NT5C2: variants seen among roughly 807,000 people sequenced by gnomAD.
The protein encoded by NT5C2 is 5'-nucleotidase, cytosolic II, also known as cytosolic purine 5'-nucleotidase.
In NT5C2, 58 loss-of-function variants were observed where a neutral mutation model predicts 76.1. The observed-to-expected ratio is 0.76, with a 90% confidence interval of 0.62 to 0.95. The LOEUF is 0.95. Ranked by LOEUF, NT5C2 falls within the 40% of genes least tolerant of loss-of-function variation. NT5C2 has a pLI of 0.00. For synonymous variants in NT5C2, 229 were observed against 237.4 expected (o/e 0.96, Z 0.32); for missense variants, 478 against 690.3 (o/e 0.69, Z 3.45).
chr10:103,129,044 A>C (rs80353537), intron 4 of NT5C2, among the ~76,000 whole-genome samples: 5 of 91,948 alleles, frequency 5.4e-5, no homozygotes, highest in Admixed American at 1.0e-4. Flanking sequence ...AGCCCCCCCG[A>C]CCGGCCAGCC....
chr10:103,091,687 C>T (rs2066931904), intron 15 of NT5C2, 72 bp from the exon 16 acceptor site: 1 of 1,288,966 alleles, frequency 7.8e-7, no homozygotes, highest in African/African-American at 1.5e-5. Context: ...TGCTGCTAAA[C>T]TAAAAGGTTG....
At chr10:103,139,623 A>G (rs1466670614) in intron 3 of NT5C2, 144 bp from the exon 4 acceptor site, 4 of 580,970 alleles carry the variant, frequency 6.9e-6, no homozygotes, top group Admixed American at 3.1e-5. Flanking sequence ...ATTAAGATGT[A>G]TAACACGACA....
At chr10:103,119,282 T>C (rs1487744189) in intron 4 of NT5C2, among the ~76,000 whole-genome samples, 1 of 152,062 alleles carries the variant, frequency 6.6e-6, no homozygotes, top group Admixed American at 6.6e-5. Context: ...GGCAGGAGAA[T>C]CATTTGAATC....
chr10:103,178,092 T>C (rs550049976), intron 2 of NT5C2, among the ~76,000 whole-genome samples: 33 of 152,320 alleles, frequency 2.2e-4, no homozygotes, highest in African/African-American at 7.7e-4. Context: ...ATCCATGTAG[T>C]ATCACATATC....
intron 3 of NT5C2, among the ~76,000 whole-genome samples, chr10:103,158,646 G>A (rs1420490748): frequency 2.6e-5 from 4 of 151,792 alleles, no homozygotes; most frequent in African/African-American, 9.7e-5. Flanking sequence ...GTGAAACCCT[G>A]TCTCTACTAA....
chr10:103,095,135 G>C (rs2067882679), intron 12 of NT5C2, among the ~76,000 whole-genome samples: 1 of 152,168 alleles, frequency 6.6e-6, no homozygotes, highest in African/African-American at 2.4e-5. Context: ...GCAGGCATCA[G>C]AGCTAAAGTA....
rs144152134 is a variant in NT5C2 at position 103,164,311 on chromosome 10, G to A, written c.101+10547C>T. Among the ~76,000 whole-genome samples the A allele has an allele frequency of 1.5e-3, 235 of 152,182 alleles. 1 individual carries two copies. Among genetic ancestry groups the A allele is most frequent in the African/African-American group, 5.5e-3 (227 of 41,520 alleles). ...TCTCACTCTGTCGCCAGGCTGGAGT[G>A]CACTGGCTCAATCTTGGCTCACTGC... On this transcript the variant is annotated intron_variant, in intron 3 of 18. Coordinates refer to ENST00000404739, the MANE Select transcript of NT5C2 (RefSeq NM_001351169.2).
chr10:103,158,321 T>A (rs1036376556), intron 3 of NT5C2, among the ~76,000 whole-genome samples: 1 of 151,828 alleles, frequency 6.6e-6, no homozygotes, highest in South Asian at 2.1e-4. Flanking sequence ...TAAGAAATTA[T>A]AGAAAAAGAA....
rs781453727 is a variant in NT5C2, at chr10:103,093,254, A to G, written c.1044T>C (p.Tyr348=). The G allele has an allele frequency of 6.2e-7, 1 of 1,610,896 alleles. No individual in the cohort carries two copies. The highest frequency in any genetic ancestry group is 1.3e-5 in the African/African-American group (1 of 74,838). The change falls in exon 15 of 19, where the codon TAT becomes TAC. Residue 348 remains tyrosine (Y), a synonymous_variant. Coordinates refer to ENST00000404739, the MANE Select transcript of NT5C2 (RefSeq NM_001351169.2). ...TGTCCCCAAAAATGTGATCTCCAAT[A>G]TACAAAATGTCTTTTCCCTTGGCTC... The part of the protein sequence containing the change: ...LLGAKGKDIL[Y]IGDHIFGDIL...
At chr10:103,173,025 A>G (rs937089491) in intron 3 of NT5C2, among the ~76,000 whole-genome samples, 1 of 151,684 alleles carries the variant, frequency 6.6e-6, no homozygotes, top group Admixed American at 6.6e-5. Context: ...AACAAAACAA[A>G]ATCTGTAGAG....
chr10:103,183,277 A>ATTATATATATATTT (rs1439401303), intron 1 of NT5C2, among the ~76,000 whole-genome samples: 2 of 125,926 alleles, frequency 1.6e-5, no homozygotes, highest in Non-Finnish European at 3.3e-5. Flanking sequence ...ATATATATAT[A>ATTATATATATATTT]TATATATATA....
chr10:103,089,323 C>CCACTCTGAGACTCTTTCCTT lies in NT5C2; in HGVS notation c.*329_*348dup. The CCACTCTGAGACTCTTTCCTT allele has an allele frequency of 4.0e-6, 1 of 248,286 alleles. No individual in the cohort carries two copies. The highest frequency in any genetic ancestry group is 1.6e-4 in the South Asian group (1 of 6,394). The allele number at this position is 248,286 out of a possible 1,614,324, so 15.4% of individuals were successfully genotyped here. The stretch of plus-strand genomic sequence containing the variant: ...AGATCACCTCTTCCCACTCTTTGTT[C>CCACTCTGAGACTCTTTCCTT]CACTCTGAGACTCTTTCCTTTTCCT... On this transcript the variant is annotated 3_prime_UTR_variant, in exon 19 of 19. Transcript: ENST00000404739.
chr10:103,181,752 C>T (rs1488842597), intron 1 of NT5C2, among the ~76,000 whole-genome samples: 1 of 152,148 alleles, frequency 6.6e-6, no homozygotes, highest in Non-Finnish European at 1.5e-5. Context: ...CGCCTGTAAT[C>T]CTGGCACTTT....
rs2134438269 is a variant in NT5C2, at chr10:103,089,452, T to C, written c.*220A>G. 1 of 657,324 alleles carries C rather than the reference T, an allele frequency of 1.5e-6. No homozygotes were observed. The highest frequency in any genetic ancestry group is 3.9e-5 in the South Asian group (1 of 25,500). The allele number at this position is 657,324 out of a possible 1,614,324, so 40.7% of individuals were successfully genotyped here. ...GCCTGATTTTACCCTTATTTTCTTC[T>C]AATACAGACTCCATTACAATTTTGG... On this transcript the variant is annotated 3_prime_UTR_variant, in exon 19 of 19. Transcript: ENST00000404739.
intron 6 of NT5C2, among the ~76,000 whole-genome samples, chr10:103,104,888 A>C (rs1739763415): frequency 6.6e-6 from 1 of 152,226 alleles, no homozygotes; most frequent in Admixed American, 6.5e-5. Flanking sequence ...AAAGTTACAT[A>C]AGAGACTGAC....
rs568245453 is a variant in NT5C2, at chr10:103,163,655, C to T, written c.101+11203G>A. Among the ~76,000 whole-genome samples the T allele has an allele frequency of 1.4e-4, 21 of 151,382 alleles. No homozygotes were observed. In the South Asian group the frequency reaches 4.4e-3, roughly 32 times the overall value. ...TTCTTTATATACTCCAGATATAAGT[C>T]CTTTATCGAATTTTTTTCAGTCTAT... On this transcript the variant is annotated intron_variant, in intron 3 of 18. Transcript: ENST00000404739.
chr10:103,157,751 C>T (rs538760882), intron 3 of NT5C2, among the ~76,000 whole-genome samples: 1 of 152,200 alleles, frequency 6.6e-6, no homozygotes, highest in South Asian at 2.1e-4. Context: ...TCTACAACCA[C>T]AATGGAATGC....
intron 3 of NT5C2, among the ~76,000 whole-genome samples, chr10:103,148,092 G>A (rs899895218): frequency 6.6e-6 from 1 of 152,036 alleles, no homozygotes; most frequent in Non-Finnish European, 1.5e-5. Context: ...TTATAGGTAA[G>A]AACTTTATGA....
intron 4 of NT5C2, among the ~76,000 whole-genome samples, chr10:103,120,078 GAC>G (rs1375638609): frequency 6.6e-6 from 1 of 151,102 alleles, no homozygotes; most frequent in Non-Finnish European, 1.5e-5. Context: ...CAGCCTGGAT[GAC>G]AGTGTGAGAC....
Sources: gnomAD v4.1 joint callset for allele counts (sites outside exome capture counted in the v4.1 genomes callset) on GRCh38, gnomAD v4.1.1 for gene constraint, MANE v1.5 for transcripts, NCBI Gene and HGNC (gene_info 2026-07-23, HGNC 2026-07-21) for gene names.